Variants in SUPT16H observed in about 807,000 individuals in gnomAD.
SUPT16H encodes the protein FACT complex subunit SPT16.
A neutral mutation model predicts 136.2 loss-of-function variants in SUPT16H; 24 were observed. That is an observed-to-expected ratio of 0.18 (90% CI 0.13 to 0.25). The LOEUF (loss-of-function observed/expected upper bound fraction) is 0.25, where lower values mean the gene tolerates loss of function less well. Among genes scored for constraint, SUPT16H ranks in the 10% least tolerant of loss-of-function variants. The pLI is 1.00. For synonymous variants in SUPT16H, 415 were observed against 428.2 expected, an observed-to-expected ratio of 0.97 and a Z score of 0.38; for missense variants, 623 against 1,270.2, an observed-to-expected ratio of 0.49 and a Z score of 7.74.
At chr14:21,360,352 G>C (rs1478733908) in intron 18 of SUPT16H, 63 bp downstream of exon 18, 1 of 1,276,428 alleles carries the variant, frequency 7.8e-7, no homozygotes, top group African/African-American at 1.5e-5. Context: ...TTATAGGAAA[G>C]AAGCTGAGTG....
At chr14:21,382,343 G>T (rs182464024) in intron 1 of SUPT16H, among the ~76,000 whole-genome samples, 1 of 151,626 alleles carries the variant, frequency 6.6e-6, no homozygotes, top group South Asian at 2.1e-4. Flanking sequence ...AGATTTTTGA[G>T]ATACAAAAAA....
At position 21,369,083 on chromosome 14, in the gene SUPT16H, C is replaced by T. The variant is rs145419090; in HGVS notation, c.782+121G>A. On this transcript the variant is annotated intron_variant, in intron 6 of 25. Coordinates refer to ENST00000216297, the MANE Select transcript of SUPT16H (RefSeq NM_007192.4). ...GACACCCAAGATAATGACTTGGTAACACTATACATTATATACTTGTAGCCA... is the reference window on the plus strand; with the variant it reads ...GACACCCAAGATAATGACTTGGTAATACTATACATTATATACTTGTAGCCA... 4.1e-3 allele frequency: 4,602 copies of T among 1,129,774 alleles called. 37 individuals are homozygous for T. The highest frequency in any genetic ancestry group is 4.2e-3 in the Middle Eastern group (14 of 3,306). The allele number at this position is 1,129,774 out of a possible 1,614,324, so 70.0% of individuals were successfully genotyped here. A position where few individuals can be genotyped will look rare whatever the true frequency, so the allele number is the denominator to read the frequency against.
At chr14:21,357,877 TTTA>T (rs1375028779) in intron 21 of SUPT16H, 47 bp downstream of exon 21, 1 of 1,549,580 alleles carries the variant, frequency 6.5e-7, no homozygotes, top group South Asian at 1.1e-5. Flanking sequence ...CCTATCCTTC[TTTA>T]TTTTCTCTAA....
At chr14:21,376,404 C>T (rs1183770102) in intron 1 of SUPT16H, among the ~76,000 whole-genome samples, 1 of 152,056 alleles carries the variant, frequency 6.6e-6, no homozygotes. Flanking sequence ...TAAATGCATA[C>T]ATAAGACTCT....
chr14:21,366,493 T>C lies in SUPT16H; in HGVS notation c.992A>G (p.Asp331Gly), dbSNP rs1377274032. 6.2e-7 allele frequency: 1 copy of C among 1,614,082 alleles called. No individual in the cohort carries two copies. Among genetic ancestry groups the C allele is most frequent in the Admixed American group, 1.7e-5 (1 of 60,014 alleles). Reference sequence around the variant, plus strand: ...TTCTGGCTTCTGCTTTTTAACCACGTCCATGACAGCGTTATACACGTCACA... The same window carrying C: ...TTCTGGCTTCTGCTTTTTAACCACGCCCATGACAGCGTTATACACGTCACA... ...KICDVYNAVM[D>G]VVKKQKPELL... Residue 331 changes from aspartate to glycine, a missense_variant, in exon 8 of 26, where the codon GAC (aspartate) becomes GGC (glycine). By Grantham distance (94) the Asp-to-Gly change is moderately conservative. This residue lies in a region of SUPT16H where 343 missense variants were observed against 525.7 expected (regional missense o/e 0.65). Transcript: ENST00000216297.
intron 1 of SUPT16H, among the ~76,000 whole-genome samples, chr14:21,376,701 C>T (rs1778197193): frequency 1.3e-5 from 2 of 151,914 alleles, no homozygotes; most frequent in South Asian, 4.1e-4. Context: ...ACTACACACT[C>T]AGGAAAAAAG....
Position 21,369,900 on chromosome 14 carries a change from C to T in SUPT16H, c.484-4G>A, listed in dbSNP as rs1169248469. 1 of 1,612,750 alleles carries T rather than the reference C, an allele frequency of 6.2e-7. No homozygotes were observed. The highest frequency in any genetic ancestry group is 8.5e-7 in the Non-Finnish European group (1 of 1,179,264). On this transcript the variant is annotated splice_polypyrimidine_tract_variant and splice_region_variant and intron_variant, in intron 4 of 25. Coordinates refer to ENST00000216297, the MANE Select transcript of SUPT16H (RefSeq NM_007192.4). ...CCACAACTGCACTGATATCTATCTG[C>T]AGTCAAAGTGACAAGAGTTTCTAAC...
intron 6 of SUPT16H, among the ~76,000 whole-genome samples, 159 bp downstream of exon 6, chr14:21,369,045 C>T (rs1288455592): frequency 6.6e-6 from 1 of 152,162 alleles, no homozygotes; most frequent in East Asian, 1.9e-4. Flanking sequence ...AAATGTATTG[C>T]ACCTGGGTGA....
rs540426927 is a variant in SUPT16H, at chr14:21,352,157, G to A, written c.*516C>T. 1.3e-5 allele frequency: 2 copies of A among 159,152 alleles called. No homozygotes were observed. The highest frequency in any genetic ancestry group is 4.8e-5 in the African/African-American group (2 of 41,640). 9.9% of individuals were successfully genotyped at this position (159,152 alleles called of 1,614,324 possible). On this transcript the variant is annotated 3_prime_UTR_variant, in exon 26 of 26. Transcript: ENST00000216297. ...AGCCCAATCTGCCTCACTGGCTCAA[G>A]CTGTATGGTTTATCACAACCATTAG...
chr14:21,358,436 GA>G lies in SUPT16H; in HGVS notation c.2302-10del. 3 of 1,587,374 alleles carry G rather than the reference GA, an allele frequency of 1.9e-6. No homozygotes were observed. Among genetic ancestry groups the G allele is most frequent in the African/African-American group, 2.7e-5 (2 of 74,056 alleles). On this transcript the variant is annotated splice_polypyrimidine_tract_variant and intron_variant, in intron 19 of 25. Transcript: ENST00000216297. ...CTCATTTCTCGTTCCATCTGTAGAAGAAAAAAATATCAAATACAGCCATCAC... is the reference window on the plus strand; with the variant it reads ...CTCATTTCTCGTTCCATCTGTAGAAGAAAAAATATCAAATACAGCCATCAC...
At chr14:21,356,003 A>C (rs182307379) in intron 22 of SUPT16H, among the ~76,000 whole-genome samples, 1 of 152,318 alleles carries the variant, frequency 6.6e-6, no homozygotes, top group Non-Finnish European at 1.5e-5. Flanking sequence ...AGGAAACAAC[A>C]AGGGTTAATT....
At position 21,361,140 on chromosome 14, in the gene SUPT16H, G is replaced by A. The variant is rs1322155329; in HGVS notation, c.1867C>T (p.Arg623Ter). 1.2e-6 allele frequency: 2 copies of A among 1,613,768 alleles called. No individual in the cohort carries two copies. Among genetic ancestry groups the A allele is most frequent in the Non-Finnish European group, 1.7e-6 (2 of 1,179,994 alleles). Residue 623 changes from arginine to a stop codon, truncating the protein, a stop_gained, in exon 16 of 26, where the codon CGA becomes TGA. Transcript: ENST00000216297. LOFTEE classifies it high-confidence loss of function. Reference sequence around the variant, plus strand: ...CGTTTCTGTACTTCTTTAATAATTCGGAAAGCATTCTGAAGGTTCAAGGCT... The same window carrying A: ...CGTTTCTGTACTTCTTTAATAATTCAGAAAGCATTCTGAAGGTTCAAGGCT... The part of the protein sequence containing the change: ...VPALNLQNAF[R>*]IIKEVQKRYK...
Position 21,357,997 on chromosome 14 carries a change from T to C in SUPT16H, c.2420A>G (p.Asn807Ser). The change falls in exon 21 of 26, where the codon AAC becomes AGC. Residue 807 changes from asparagine to serine, a missense_variant. Around this residue, in one of 7 missense-constraint regions of SUPT16H, gnomAD observed 74 missense variants for 193.8 expected, o/e 0.38. Transcript: ENST00000216297. ...FEVPFRDLGF[N>S]GAPYRSTCLL... is the part of the protein sequence containing the mutation. ...GCAGGTACTCCTATAGGGAGCTCCGTTAAATCTGGAAGAGACAAACTTTTA... is the reference window on the plus strand; with the variant it reads ...GCAGGTACTCCTATAGGGAGCTCCGCTAAATCTGGAAGAGACAAACTTTTA... 6.2e-7 allele frequency: 1 copy of C among 1,613,516 alleles called. No individual in the cohort carries two copies. Among genetic ancestry groups the C allele is most frequent in the Non-Finnish European group, 8.5e-7 (1 of 1,179,668 alleles).
At chr14:21,354,965 AG>A (rs1886395353) in intron 22 of SUPT16H, 1 of 157,390 alleles carries the variant, frequency 6.4e-6, no homozygotes, top group Non-Finnish European at 1.4e-5. Context: ...CTAGAGCACT[AG>A]CCCTCACAAC....
chr14:21,381,664 C>A (rs1169234923), intron 1 of SUPT16H, among the ~76,000 whole-genome samples: 1 of 150,930 alleles, frequency 6.6e-6, no homozygotes, highest in African/African-American at 2.4e-5. Context: ...GGCTGGAGTG[C>A]AGTGATGCGA....
rs376945324 is a variant in SUPT16H, at chr14:21,354,545, G to A, written c.2661-5C>T. ...GTGTATTTCAGGTCGCAGGAACTAA[G>A]AGAAATGACATGACAAAGTCAAATC... On this transcript the variant is annotated splice_polypyrimidine_tract_variant and splice_region_variant and intron_variant, in intron 22 of 25. Transcript: ENST00000216297. 89 of 1,612,418 alleles carry A rather than the reference G, an allele frequency of 5.5e-5. No homozygotes were observed. The highest frequency in any genetic ancestry group is 7.1e-5 in the Non-Finnish European group (84 of 1,179,584).
At chr14:21,353,432 T>A in intron 25 of SUPT16H, 56 bp downstream of exon 25, 2 of 1,537,628 alleles carry the variant, frequency 1.3e-6, no homozygotes, top group East Asian at 2.2e-5. Flanking sequence ...AATATTGAAA[T>A]GTGTTAGAAA....
Position 21,352,692 on chromosome 14 carries a change from G to T in SUPT16H, c.3125C>A (p.Pro1042His), listed in dbSNP as rs1239770576. 3 of 1,614,072 alleles carry T rather than the reference G, an allele frequency of 1.9e-6. No individual in the cohort carries two copies. The highest frequency in any genetic ancestry group is 2.5e-6 in the Non-Finnish European group (3 of 1,179,994). Residue 1042 changes from proline (P) to histidine (H), a missense_variant, in exon 26 of 26, where the codon CCC becomes CAC. Transcript: ENST00000216297. ...NRGSRHSSAP[P>H]KKKRK Reference sequence around the variant, plus strand: ...CAGAAGTTACTTCCTCTTTTTCTTGGGGGGTGCAGAGCTGTGTCTGGAACC... The same window carrying T: ...CAGAAGTTACTTCCTCTTTTTCTTGTGGGGTGCAGAGCTGTGTCTGGAACC...
At chr14:21,378,829 A>T (rs116691935) in intron 1 of SUPT16H, among the ~76,000 whole-genome samples, 2,037 of 152,300 alleles carry the variant, frequency 0.013, 51 homozygotes, top group African/African-American at 0.047. Context: ...TAGAACTATG[A>T]CTTTTAAAAA....
Sources: gnomAD v4.1 joint callset for allele counts (sites outside exome capture counted in the v4.1 genomes callset) on GRCh38, gnomAD v4.1.1 for gene constraint, gnomAD v4.1.1 regional missense constraint, MANE v1.5 for transcripts, NCBI Gene and HGNC (gene_info 2026-07-23, HGNC 2026-07-21) for gene names.